The following MARCHF6 variants were observed in gnomAD, a reference collection of about 807,000 sequenced individuals.
The protein encoded by MARCHF6 is E3 ubiquitin-protein ligase MARCHF6.
MARCHF6 carries 31 observed loss-of-function variants against 133.7 expected under a neutral mutation model. The ratio of observed to expected loss-of-function variants is 0.23; its 90% CI spans 0.17 to 0.31. MARCHF6 has a LOEUF of 0.31. MARCHF6 is among the 10% of genes least tolerant of loss of function. MARCHF6 has a pLI of 1.00. For synonymous variants in MARCHF6, 395 were observed against 402.5 expected (o/e 0.98, Z 0.22); for missense variants, 723 against 1,121.6 (o/e 0.64, Z 5.08).
chr5:10,426,534 T>C lies in MARCHF6; in HGVS notation c.2506+12T>C. Reference sequence around the variant, plus strand: ...TGTTCCTTTACTAGGTACGTAATGCTGGTTGTGGAGCCTTGAAGGAGCACT... The same window carrying C: ...TGTTCCTTTACTAGGTACGTAATGCCGGTTGTGGAGCCTTGAAGGAGCACT... On this transcript the variant is annotated intron_variant, in intron 24 of 25. Coordinates refer to ENST00000274140, the MANE Select transcript of MARCHF6 (RefSeq NM_005885.4). 6.2e-7 allele frequency: 1 copy of C among 1,613,182 alleles called. No individual in the cohort carries two copies. Among genetic ancestry groups the C allele is most frequent in the Non-Finnish European group, 8.5e-7 (1 of 1,179,730 alleles).
In MARCHF6 at chr5:10,433,774, C is replaced by A; in HGVS notation, c.*90C>A. On this transcript the variant is annotated 3_prime_UTR_variant, in exon 26 of 26. Coordinates refer to ENST00000274140, the MANE Select transcript of MARCHF6 (RefSeq NM_005885.4). Reference sequence around the variant, plus strand: ...GAGATTTTTCCCAGTGATCTCTCAGCGTTGTTTTTAAGTTAAATGTATTTG... The same window carrying A: ...GAGATTTTTCCCAGTGATCTCTCAGAGTTGTTTTTAAGTTAAATGTATTTG... The A allele has an allele frequency of 9.2e-7, 1 of 1,083,836 alleles. No homozygotes were observed. The highest frequency in any genetic ancestry group is 1.4e-6 in the Non-Finnish European group (1 of 708,868). 67.1% of individuals were successfully genotyped at this position (1,083,836 alleles called of 1,614,324 possible). A position where few individuals can be genotyped will look rare whatever the true frequency, so the allele number is the denominator to read the frequency against.
chr5:10,393,273 C>A lies in MARCHF6; in HGVS notation c.767-809C>A, dbSNP rs1737984507. 3.3e-5 allele frequency among the ~76,000 whole-genome samples: 5 copies of A among 152,018 alleles called. No individual in the cohort carries two copies. The South Asian group carries it at 1.0e-3, about 32-fold the overall frequency. On this transcript the variant is annotated intron_variant, in intron 7 of 25. Coordinates refer to ENST00000274140, the MANE Select transcript of MARCHF6 (RefSeq NM_005885.4). ...TGTTTTCTTGGTAGAGATGGGTTCT[C>A]CCTGTTGTCCTGGCTGGTCTTGAAC...
At chr5:10,378,126 C>T (rs1176367966) in intron 2 of MARCHF6, among the ~76,000 whole-genome samples, 1 of 152,128 alleles carries the variant, frequency 6.6e-6, no homozygotes, top group Non-Finnish European at 1.5e-5. Flanking sequence ...GTATCCTCTT[C>T]CAGGTACACG....
chr5:10,385,193 G>A (rs1737393247), intron 4 of MARCHF6, among the ~76,000 whole-genome samples: 1 of 152,210 alleles, frequency 6.6e-6, no homozygotes. Context: ...CTGTTGCCTG[G>A]GAAGAAGCTT....
intron 1 of MARCHF6, among the ~76,000 whole-genome samples, chr5:10,369,613 CCCCT>C (rs1375963279): frequency 5.5e-5 from 5 of 90,130 alleles, no homozygotes; most frequent in African/African-American, 1.7e-4. Flanking sequence ...ACCCCCCCCC[CCCCT>C]TGCAAATATC....
In MARCHF6 at chr5:10,353,838, C is replaced by G. The variant is rs1330202395; in HGVS notation, c.-61C>G. 88 of 1,514,808 alleles carry G rather than the reference C, an allele frequency of 5.8e-5. No individual in the cohort carries two copies. The highest frequency in any genetic ancestry group is 1.8e-6 in the Non-Finnish European group (2 of 1,122,902). The allele number at this position is 1,514,808 out of a possible 1,614,324, so 93.8% of individuals were successfully genotyped here. On this transcript the variant is annotated 5_prime_UTR_variant, in exon 1 of 26. Transcript: ENST00000274140. Reference sequence around the variant, plus strand: ...CCGGCTCCCTCCTCCTCTCCCCTCCCTCTTTCCCCGCCCGGCCGCGGGAGC... The same window carrying G: ...CCGGCTCCCTCCTCCTCTCCCCTCCGTCTTTCCCCGCCCGGCCGCGGGAGC...
intron 1 of MARCHF6, among the ~76,000 whole-genome samples, chr5:10,368,827 C>A (rs1561100782): frequency 6.6e-6 from 1 of 152,136 alleles, no homozygotes; most frequent in Non-Finnish European, 1.5e-5. Context: ...CCCACCATGG[C>A]CTCCCAAAGT....
At position 10,411,493 on chromosome 5, in the gene MARCHF6, G is replaced by T. The variant is rs1202592479; in HGVS notation, c.1852G>T (p.Val618Phe). 1.2e-6 allele frequency: 2 copies of T among 1,614,230 alleles called. No individual in the cohort carries two copies. The highest frequency in any genetic ancestry group is 2.2e-5 in the South Asian group (2 of 91,080). The change falls in exon 19 of 26, where the codon GTT becomes TTT. Residue 618 changes from valine to phenylalanine, a missense_variant. Val to Phe is a conservative substitution (Grantham distance 50). Transcript: ENST00000274140. Reference protein sequence around the residue: ...HQAILQQGGPVGFQPYRRPLN... With the variant: ...HQAILQQGGPFGFQPYRRPLN... ...AGCCATACTCCAGCAGGGAGGGCCT[G>T]TTGGCTTTCAGCCTTACCGCCGACC...
intron 6 of MARCHF6, 100 bp from the exon 7 acceptor site, chr5:10,391,442 T>G (rs76018489): frequency 6.5e-6 from 3 of 461,292 alleles, no homozygotes; most frequent in East Asian, 4.9e-5. Flanking sequence ...CTAGGTTTTT[T>G]TTTTTTTTTT....
intron 7 of MARCHF6, 44 bp from the exon 8 acceptor site, chr5:10,394,038 T>C (rs1160453403): frequency 1.7e-6 from 2 of 1,170,208 alleles, no homozygotes; most frequent in Non-Finnish European, 2.4e-6. Flanking sequence ...TATTATTTAT[T>C]ATTTTTACTT....
At position 10,423,123 on chromosome 5, in the gene MARCHF6, G is replaced by A. The variant is rs564985818; in HGVS notation, c.2284-612G>A. Among the ~76,000 whole-genome samples, 5 of 151,404 alleles carry A rather than the reference G, an allele frequency of 3.3e-5. No individual in the cohort carries two copies. In the East Asian group the frequency reaches 5.8e-4, roughly 18 times the overall value. Reference sequence around the variant, plus strand: ...CAGGGTTGTTAAGCAGGGAAGTTACGTTCATGATCTGATTTGCATTTAAAG... The same window carrying A: ...CAGGGTTGTTAAGCAGGGAAGTTACATTCATGATCTGATTTGCATTTAAAG... On this transcript the variant is annotated intron_variant, in intron 22 of 25. Transcript: ENST00000274140.
intron 1 of MARCHF6, among the ~76,000 whole-genome samples, chr5:10,361,217 G>T (rs1301038701): frequency 2.0e-5 from 3 of 152,188 alleles, no homozygotes; most frequent in African/African-American, 7.2e-5. Context: ...AGGAGGAGGA[G>T]TTAAAAATGA....
intron 1 of MARCHF6, among the ~76,000 whole-genome samples, chr5:10,371,686 A>G (rs567626050): frequency 2.6e-5 from 4 of 152,340 alleles, no homozygotes; most frequent in South Asian, 4.1e-4. Context: ...CAGCCAAACC[A>G]TATCAGTAGG....
rs189637466 is a variant in MARCHF6, at chr5:10,396,385, T to C, written c.862-908T>C. ...CGCGAAGATAACAGAGGTTGAAGTA[T>C]AAAATGTGTTGGGGATAGGGAAAAT... On this transcript the variant is annotated intron_variant, in intron 9 of 25. Coordinates refer to ENST00000274140, the MANE Select transcript of MARCHF6 (RefSeq NM_005885.4). Among the ~76,000 whole-genome samples the C allele has an allele frequency of 5.4e-4, 82 of 152,234 alleles. No individual in the cohort carries two copies. In the East Asian group the frequency reaches 0.015, roughly 28 times the overall value.
intron 7 of MARCHF6, among the ~76,000 whole-genome samples, chr5:10,392,756 GAA>G (rs558643433): frequency 7.4e-6 from 1 of 135,552 alleles, no homozygotes; most frequent in African/African-American, 2.7e-5. Flanking sequence ...TCCGTCTCAA[GAA>G]AAAAAAAAAA....
intron 4 of MARCHF6, among the ~76,000 whole-genome samples, chr5:10,383,034 TA>T (rs1351949176): frequency 3.3e-5 from 5 of 152,122 alleles, no homozygotes; most frequent in African/African-American, 7.2e-5. Flanking sequence ...AGTATATAGA[TA>T]AGATTCATTA....
chr5:10,433,571 A>T (rs1356085139), intron 25 of MARCHF6, 23 bp from the exon 26 acceptor site: 2 of 1,566,068 alleles, frequency 1.3e-6, no homozygotes, highest in Non-Finnish European at 1.8e-6. Flanking sequence ...GAAGAGAGTA[A>T]CCACCTTGTT....
intron 1 of MARCHF6, among the ~76,000 whole-genome samples, chr5:10,367,939 A>C (rs1275170268): frequency 6.6e-6 from 1 of 152,198 alleles, no homozygotes; most frequent in African/African-American, 2.4e-5. Context: ...ATTGTTTCTA[A>C]GTAGGTTTGC....
intron 19 of MARCHF6, among the ~76,000 whole-genome samples, chr5:10,413,084 C>G (rs890357268): frequency 2.6e-5 from 4 of 152,178 alleles, no homozygotes; most frequent in African/African-American, 4.8e-5. Context: ...CTGAATTGTT[C>G]TTCTGCTCCT....
Sources: allele counts gnomAD v4.1 joint callset (sites outside exome capture counted in the v4.1 genomes callset), GRCh38; gene constraint gnomAD v4.1.1; transcripts MANE v1.5; gene names NCBI Gene and HGNC (gene_info 2026-07-23, HGNC 2026-07-21).